Variants in MAMDC2 observed in about 807,000 individuals in gnomAD.
MAMDC2 encodes the protein MAM domain-containing protein 2.
MAMDC2 carries 57 observed loss-of-function variants against 89.8 expected under a neutral mutation model. The observed-to-expected ratio is 0.63, with a 90% confidence interval of 0.51 to 0.79. The LOEUF (loss-of-function observed/expected upper bound fraction) is 0.79, where lower values mean the gene tolerates loss of function less well. Among genes scored for constraint, MAMDC2 ranks in the 30% least tolerant of loss-of-function variants. MAMDC2 has a pLI of 0.00. For synonymous variants in MAMDC2, 313 were observed against 293.4 expected (o/e 1.07, Z -0.68); for missense variants, 800 against 820.6 (o/e 0.97, Z 0.31).
At chr9:70,091,471 C>T (rs951145778) in intron 2 of MAMDC2, among the ~76,000 whole-genome samples, 1 of 152,188 alleles carries the variant, frequency 6.6e-6, no homozygotes, top group Non-Finnish European at 1.5e-5. Context: ...AAGAACTGGC[C>T]TGGAACCTGA....
chr9:70,118,825 G>A (rs1212629286), intron 5 of MAMDC2, among the ~76,000 whole-genome samples: 1 of 152,198 alleles, frequency 6.6e-6, no homozygotes, highest in Non-Finnish European at 1.5e-5. Flanking sequence ...GCTAGTCTTT[G>A]TGTTGTAGAA....
intron 11 of MAMDC2, among the ~76,000 whole-genome samples, chr9:70,171,337 A>ATT (rs11376987): frequency 0.032 from 4,779 of 149,554 alleles, 105 homozygotes; most frequent in Middle Eastern, 0.044. Context: ...TATCTTGACA[A>ATT]TTTTTTTTTT....
In MAMDC2 at chr9:70,078,767, G is replaced by A. The variant is rs528447313; in HGVS notation, c.149-29444G>A. 1.6e-3 allele frequency among the ~76,000 whole-genome samples: 242 copies of A among 152,148 alleles called. 2 individuals are homozygous for A. The highest frequency in any genetic ancestry group is 5.0e-3 in the South Asian group (24 of 4,818). Reference sequence around the variant, plus strand: ...GACCTGAAAATTTTAAAGGATTTGCGTTCCTCCAATGAAAATTCTTTTCTT... The same window carrying A: ...GACCTGAAAATTTTAAAGGATTTGCATTCCTCCAATGAAAATTCTTTTCTT... On this transcript the variant is annotated intron_variant, in intron 2 of 13. Coordinates refer to ENST00000377182, the MANE Select transcript of MAMDC2 (RefSeq NM_153267.5).
At chr9:70,098,737 G>C (rs1828088572) in intron 2 of MAMDC2, among the ~76,000 whole-genome samples, 1 of 152,188 alleles carries the variant, frequency 6.6e-6, no homozygotes, top group African/African-American at 2.4e-5. Flanking sequence ...AGACAGCCTG[G>C]TGCAGGGGAA....
intron 2 of MAMDC2, among the ~76,000 whole-genome samples, chr9:70,071,245 A>G (rs868080168): frequency 7.9e-5 from 12 of 152,324 alleles, no homozygotes; most frequent in African/African-American, 2.6e-4. Context: ...CGAGAGTAGT[A>G]CTTGATTTAC....
intron 11 of MAMDC2, among the ~76,000 whole-genome samples, chr9:70,180,025 C>A (rs964096524): frequency 4.6e-5 from 7 of 151,726 alleles, no homozygotes; most frequent in African/African-American, 1.5e-4. Flanking sequence ...CCCCCCACCC[C>A]CCAACAGGCC....
At chr9:70,151,636 G>T (rs995277837) in intron 9 of MAMDC2, among the ~76,000 whole-genome samples, 1 of 152,156 alleles carries the variant, frequency 6.6e-6, no homozygotes. Flanking sequence ...GGTGGTCAAG[G>T]TCTCTCTCCA....
At chr9:70,069,593 C>T (rs1827355005) in intron 2 of MAMDC2, among the ~76,000 whole-genome samples, 1 of 152,174 alleles carries the variant, frequency 6.6e-6, no homozygotes, top group African/African-American at 2.4e-5. Context: ...TACTTTGTTC[C>T]TTAATGGCTA....
chr9:70,220,821 T>A (rs112529564), intron 12 of MAMDC2, among the ~76,000 whole-genome samples: 2 of 152,136 alleles, frequency 1.3e-5, no homozygotes, highest in South Asian at 2.1e-4. Context: ...ACTCTGAGAG[T>A]TTATACATTC....
At chr9:70,148,488 C>T (rs2118437289) in intron 9 of MAMDC2, among the ~76,000 whole-genome samples, 1 of 150,590 alleles carries the variant, frequency 6.6e-6, no homozygotes, top group Non-Finnish European at 1.5e-5. Context: ...AATTTTCCAT[C>T]TGGGACCAAA....
intron 11 of MAMDC2, among the ~76,000 whole-genome samples, chr9:70,202,709 T>A (rs1423308131): frequency 2.0e-5 from 3 of 149,098 alleles, no homozygotes; most frequent in African/African-American, 5.0e-5. Context: ...TGTAGGTCAC[T>A]CAGGAATTGC....
At chr9:70,162,855 A>T (rs1486479342) in intron 9 of MAMDC2, among the ~76,000 whole-genome samples, 1 of 151,212 alleles carries the variant, frequency 6.6e-6, no homozygotes, top group Admixed American at 6.6e-5. Context: ...TTGGACTAAC[A>T]CAACCTTGTA....
chr9:70,055,959 A>C (rs2118006000), intron 2 of MAMDC2, among the ~76,000 whole-genome samples: 1 of 152,296 alleles, frequency 6.6e-6, no homozygotes, highest in Non-Finnish European at 1.5e-5. Context: ...TCTTCATTCT[A>C]TTACTCTTAA....
intron 2 of MAMDC2, among the ~76,000 whole-genome samples, chr9:70,055,192 T>A (rs1226050332): frequency 6.6e-6 from 1 of 151,628 alleles, no homozygotes; most frequent in Non-Finnish European, 1.5e-5. Context: ...TGAAACTTAA[T>A]GAGATAGTTA....
intron 2 of MAMDC2, among the ~76,000 whole-genome samples, chr9:70,066,202 A>G (rs957114782): frequency 6.6e-6 from 1 of 152,306 alleles, no homozygotes; most frequent in African/African-American, 2.4e-5. Context: ...GGGCAGCCAG[A>G]CATGCGACTC....
intron 2 of MAMDC2, among the ~76,000 whole-genome samples, chr9:70,104,413 T>A (rs1218162979): frequency 6.6e-6 from 1 of 152,162 alleles, no homozygotes; most frequent in African/African-American, 2.4e-5. Context: ...ACATAGAATT[T>A]CCATGTGGCC....
intron 2 of MAMDC2, among the ~76,000 whole-genome samples, chr9:70,066,992 A>T (rs1173001870): frequency 6.6e-6 from 1 of 152,134 alleles, no homozygotes; most frequent in East Asian, 1.9e-4. Flanking sequence ...AGCAAGTAGG[A>T]AGTTTATGAG....
chr9:70,140,464 G>T (rs527377179), intron 8 of MAMDC2, among the ~76,000 whole-genome samples, 176 bp downstream of exon 8: 3 of 152,132 alleles, frequency 2.0e-5, no homozygotes, highest in Non-Finnish European at 4.4e-5. Context: ...TCAAGTTGCC[G>T]TGTTAACAAA....
At chr9:70,097,378 C>G (rs1828056105) in intron 2 of MAMDC2, among the ~76,000 whole-genome samples, 1 of 152,078 alleles carries the variant, frequency 6.6e-6, no homozygotes. Flanking sequence ...TAATGAATTT[C>G]CTGAGGCAAA....
Sources: gnomAD v4.1 joint callset for allele counts (sites outside exome capture counted in the v4.1 genomes callset) on GRCh38, gnomAD v4.1.1 for gene constraint, MANE v1.5 for transcripts, NCBI Gene and HGNC (gene_info 2026-07-23, HGNC 2026-07-21) for gene names.